DYNC1I1: variants seen among roughly 807,000 people sequenced by gnomAD.
DYNC1I1 encodes the protein cytoplasmic dynein 1 intermediate chain 1.
A neutral mutation model predicts 86.6 loss-of-function variants in DYNC1I1; 43 were observed. That is an observed-to-expected ratio of 0.50 (90% CI 0.39 to 0.64). The LOEUF (loss-of-function observed/expected upper bound fraction) is 0.64, where lower values mean the gene tolerates loss of function less well. Among genes scored for constraint, DYNC1I1 ranks in the 30% least tolerant of loss-of-function variants. The pLI, the probability that DYNC1I1 is intolerant of heterozygous loss-of-function variation, is 0.00. For synonymous variants in DYNC1I1, 262 were observed against 283.7 expected (o/e 0.92, Z 0.77); for missense variants, 604 against 788.8 (o/e 0.77, Z 2.81).
intron 4 of DYNC1I1, among the ~76,000 whole-genome samples, chr7:95,821,105 C>T (rs151198267): frequency 2.8e-3 from 428 of 152,312 alleles, no homozygotes; most frequent in Admixed American, 4.9e-3. Flanking sequence ...TGCCCTCACA[C>T]GTCACACCCA....
chr7:95,799,297 T>G (rs1794521179), intron 1 of DYNC1I1, among the ~76,000 whole-genome samples: 1 of 152,148 alleles, frequency 6.6e-6, no homozygotes, highest in Non-Finnish European at 1.5e-5. Flanking sequence ...GAGAGTCGCT[T>G]GAACCCAGGA....
intron 6 of DYNC1I1, among the ~76,000 whole-genome samples, chr7:95,874,300 T>C (rs1207191264): frequency 6.6e-6 from 1 of 152,208 alleles, no homozygotes; most frequent in Admixed American, 6.5e-5. Flanking sequence ...AACATCAGCT[T>C]CCCACGTGAC....
chr7:96,035,814 T>A, intron 13 of DYNC1I1, 62 bp downstream of exon 13: 12 of 1,589,890 alleles, frequency 7.5e-6, no homozygotes, highest in Non-Finnish European at 1.0e-5. Context: ...GTTATCACAT[T>A]CTGGATTTTA....
chr7:95,832,882 T>C lies in DYNC1I1; in HGVS notation c.374+4766T>C, dbSNP rs367748345. Among the ~76,000 whole-genome samples the C allele has an allele frequency of 9.2e-4, 140 of 152,288 alleles. 3 individuals are homozygous for C. In the South Asian group the frequency reaches 0.029, roughly 31 times the overall value. ...TTCTGGATATTAGCCCTTTGTCAGA[T>C]GAGTGGGTCGTGAAAATTTTCTCCC... On this transcript the variant is annotated intron_variant, in intron 5 of 16. Coordinates refer to ENST00000447467, the MANE Select transcript of DYNC1I1 (RefSeq NM_001135556.2).
At chr7:95,778,833 A>C (rs1183440374) in intron 1 of DYNC1I1, among the ~76,000 whole-genome samples, 2 of 151,688 alleles carry the variant, frequency 1.3e-5, no homozygotes, top group Non-Finnish European at 2.9e-5. Context: ...CTGGTTAAAA[A>C]ATTTTTTTTT....
chr7:96,003,381 T>G (rs1794063641), intron 10 of DYNC1I1, among the ~76,000 whole-genome samples: 1 of 152,178 alleles, frequency 6.6e-6, no homozygotes, highest in African/African-American at 2.4e-5. Flanking sequence ...TAACACACTC[T>G]GTAGGCTATG....
In DYNC1I1 at chr7:96,089,587, C is replaced by T. The variant is rs537537850; in HGVS notation, c.1777-7896C>T. Among the ~76,000 whole-genome samples, 9 of 152,236 alleles carry T rather than the reference C, an allele frequency of 5.9e-5. No homozygotes were observed. In the East Asian group the frequency reaches 9.7e-4, roughly 16 times the overall value. On this transcript the variant is annotated intron_variant, in intron 16 of 16. Transcript: ENST00000447467. ...CAATCTCTTTCCCAGTTTCCCTCCC[C>T]TCCTGTGCTTTTAAAAGTGAGCAGT... is the stretch of plus-strand genomic sequence containing the variant.
intron 10 of DYNC1I1, among the ~76,000 whole-genome samples, chr7:96,010,236 C>G (rs549217107): frequency 6.6e-6 from 1 of 152,090 alleles, no homozygotes; most frequent in Non-Finnish European, 1.5e-5. Context: ...GTGGTTGACC[C>G]GGAACACCCC....
In DYNC1I1 at chr7:95,813,311, C is replaced by A. The variant is rs771968569; in HGVS notation, c.288C>A (p.Asp96Glu). Residue 96 changes from aspartate (D) to glutamate (E), a missense_variant, in exon 4 of 17, where the codon GAC (aspartate) becomes GAA (glutamate). By Grantham distance (45) the Asp-to-Glu change is conservative (BLOSUM62 2). Transcript: ENST00000447467. ...CTCCCAGTGAAGCTGGAAGCCAAGA[C>A]TCAGGCGATCTGGGGCCATTAACAA... ...VSTPSEAGSQ[D>E]SGDLGPLTRT... 3 of 1,612,110 alleles carry A rather than the reference C, an allele frequency of 1.9e-6. No individual in the cohort carries two copies. Among genetic ancestry groups the A allele is most frequent in the Non-Finnish European group, 1.7e-6 (2 of 1,179,414 alleles).
chr7:96,070,573 A>G (rs1454889308), intron 14 of DYNC1I1, among the ~76,000 whole-genome samples: 1 of 152,076 alleles, frequency 6.6e-6, no homozygotes, highest in Non-Finnish European at 1.5e-5. Context: ...TTCAGAATTT[A>G]TAACTTAGAA....
chr7:95,854,980 A>T (rs1789681454), intron 5 of DYNC1I1, among the ~76,000 whole-genome samples: 1 of 152,196 alleles, frequency 6.6e-6, no homozygotes, highest in Non-Finnish European at 1.5e-5. Flanking sequence ...ACACATCCCG[A>T]TAGGTTGCTG....
intron 4 of DYNC1I1, among the ~76,000 whole-genome samples, chr7:95,819,269 G>T (rs945406670): frequency 6.6e-6 from 1 of 152,164 alleles, no homozygotes; most frequent in Non-Finnish European, 1.5e-5. Flanking sequence ...CTTATTGACA[G>T]AAAGCTTTGG....
intron 5 of DYNC1I1, among the ~76,000 whole-genome samples, chr7:95,836,097 G>A (rs553918383): frequency 1.6e-3 from 237 of 152,204 alleles, no homozygotes; most frequent in Non-Finnish European, 2.8e-3. Context: ...GCATGATTTT[G>A]CAGTGGCTGG....
At chr7:96,046,807 A>G (rs942939206) in intron 14 of DYNC1I1, among the ~76,000 whole-genome samples, 3 of 152,162 alleles carry the variant, frequency 2.0e-5, no homozygotes, top group Non-Finnish European at 4.4e-5. Flanking sequence ...ATCTGAGTGA[A>G]GAATGGTGGT....
intron 1 of DYNC1I1, among the ~76,000 whole-genome samples, chr7:95,789,007 T>C (rs1016669816): frequency 2.6e-5 from 4 of 152,330 alleles, no homozygotes; most frequent in Non-Finnish European, 5.9e-5. Context: ...TATACATGCC[T>C]GCATCCTATT....
chr7:95,922,593 T>C (rs747661564), intron 6 of DYNC1I1, among the ~76,000 whole-genome samples: 9 of 152,086 alleles, frequency 5.9e-5, no homozygotes, highest in Non-Finnish European at 1.2e-4. Context: ...CCCACACTTT[T>C]ATGTGTAAGA....
chr7:96,050,389 TA>T (rs1789368883), intron 14 of DYNC1I1, among the ~76,000 whole-genome samples: 1 of 152,220 alleles, frequency 6.6e-6, no homozygotes, highest in South Asian at 2.1e-4. Context: ...GAAACTTCTC[TA>T]CATGGGATCT....
intron 6 of DYNC1I1, among the ~76,000 whole-genome samples, chr7:95,905,445 C>T (rs1791150220): frequency 6.6e-6 from 1 of 152,148 alleles, no homozygotes; most frequent in African/African-American, 2.4e-5. Flanking sequence ...CAGCTGCAGA[C>T]TCATATTTTC....
intron 9 of DYNC1I1, among the ~76,000 whole-genome samples, chr7:95,992,629 C>CTTTTTTTT (rs928295905): frequency 6.8e-6 from 1 of 148,020 alleles, no homozygotes; most frequent in African/African-American, 2.5e-5. Context: ...ATGCTAGGTT[C>CTTTTTTTT]TTTTTTTTTT....
Sources: gnomAD v4.1 joint callset for allele counts (sites outside exome capture counted in the v4.1 genomes callset) on GRCh38, gnomAD v4.1.1 for gene constraint, MANE v1.5 for transcripts, NCBI Gene and HGNC (gene_info 2026-07-23, HGNC 2026-07-21) for gene names.